Variants in PREX1 observed in about 807,000 individuals in gnomAD.
PREX1 encodes phosphatidylinositol-3,4,5-trisphosphate dependent Rac exchange factor 1.
Under a neutral mutation model 198.3 loss-of-function variants are expected in PREX1, and 41 were observed. That is an observed-to-expected ratio of 0.21 (90% CI 0.16 to 0.27). The LOEUF is 0.27. PREX1 is among the 10% of genes least tolerant of loss of function. The pLI is 1.00. For synonymous variants in PREX1, 843 were observed against 887.2 expected (o/e 0.95, Z 0.89); for missense variants, 1,620 against 2,200.7 (o/e 0.74, Z 5.28).
rs2089258829 is a variant in PREX1, at chr20:48,624,948, G to A, written c.*937C>T. ...CCAACCGCTGGAGAATGGAGGGTGG[G>A]GGAAGGAATCACAGTCGATACCTCA... On this transcript the variant is annotated 3_prime_UTR_variant, in exon 40 of 40. Transcript: ENST00000371941. The A allele has an allele frequency of 6.6e-6, 1 of 152,412 alleles. No homozygotes were observed. 9.4% of individuals were successfully genotyped at this position (152,412 alleles called of 1,614,324 possible). A position where few individuals can be genotyped will look rare whatever the true frequency, so the allele number is the denominator to read the frequency against.
At chr20:48,632,778 C>T in intron 33 of PREX1, 139 bp from the exon 34 acceptor site, 1 of 892,408 alleles carries the variant, frequency 1.1e-6, no homozygotes. Flanking sequence ...GTTCTCCCGA[C>T]TCTACAGGGG....
intron 1 of PREX1, among the ~76,000 whole-genome samples, chr20:48,807,389 C>T (rs904304798): frequency 5.9e-5 from 9 of 152,122 alleles, no homozygotes; most frequent in African/African-American, 2.2e-4. Flanking sequence ...GCACATACAG[C>T]CCCTCATGTC....
At chr20:48,884,301 T>C in the PREX1 span, among the ~76,000 whole-genome samples, 7 of 152,252 alleles carry the variant, frequency 4.6e-5, no homozygotes, top group East Asian at 1.3e-3. Context: ...AAGGTCACAA[T>C]AATCAAGACA....
chr20:48,692,540 C>T, intron 8 of PREX1, 132 bp downstream of exon 8: 1 of 694,946 alleles, frequency 1.4e-6, no homozygotes, highest in South Asian at 1.9e-5. Flanking sequence ...TGCATCTATG[C>T]TCTGGGCACT....
the PREX1 span, among the ~76,000 whole-genome samples, chr20:48,868,088 A>G: frequency 6.6e-6 from 1 of 152,304 alleles, no homozygotes; most frequent in East Asian, 1.9e-4. Context: ...CTTTTGACAG[A>G]CATGAATATA....
At chr20:48,735,157 C>T (rs939376677) in intron 3 of PREX1, among the ~76,000 whole-genome samples, 7 of 152,276 alleles carry the variant, frequency 4.6e-5, no homozygotes, top group Middle Eastern at 3.4e-3. Flanking sequence ...CAGGGTTTCC[C>T]GTACTGGAAG....
chr20:48,636,664 G>T lies in PREX1; in HGVS notation c.3966C>A (p.Arg1322=). 1 of 1,607,550 alleles carries T rather than the reference G, an allele frequency of 6.2e-7. No individual in the cohort carries two copies. Among genetic ancestry groups the T allele is most frequent in the Non-Finnish European group, 8.5e-7 (1 of 1,177,466 alleles). Residue 1322 remains arginine, a synonymous_variant, in exon 32 of 40, where the codon CGC becomes CGA. Coordinates refer to ENST00000371941, the MANE Select transcript of PREX1 (RefSeq NM_020820.4). ...LKCTDTELQL[R]RDAIFCQALV... is the part of the protein sequence containing the mutation. Reference sequence around the variant, plus strand: ...GGGCCTGGCAGAAGATCGCGTCTCTGCGCAGCTGCAGCTCCGTGTCTGGGG... The same window carrying T: ...GGGCCTGGCAGAAGATCGCGTCTCTTCGCAGCTGCAGCTCCGTGTCTGGGG...
At chr20:48,810,947 AC>A (rs1317126682) in intron 1 of PREX1, among the ~76,000 whole-genome samples, 1 of 152,148 alleles carries the variant, frequency 6.6e-6, no homozygotes, top group African/African-American at 2.4e-5. Flanking sequence ...ATAAATGGCA[AC>A]CAATGTTTGG....
chr20:48,671,614 C>A (rs73144093), intron 14 of PREX1, among the ~76,000 whole-genome samples: 4 of 152,092 alleles, frequency 2.6e-5, no homozygotes, highest in African/African-American at 4.8e-5. Flanking sequence ...AATACCCTCC[C>A]GCCCTACACA....
chr20:48,679,235 G>A lies in PREX1; in HGVS notation c.1589+125C>T, dbSNP rs74608975. 3,339 of 783,608 alleles carry A rather than the reference G, an allele frequency of 4.3e-3. 74 individuals are homozygous for A. The East Asian group carries it at 0.057, about 13-fold the overall frequency. 48.5% of individuals were successfully genotyped at this position (783,608 alleles called of 1,614,324 possible). On this transcript the variant is annotated intron_variant, in intron 13 of 39. Coordinates refer to ENST00000371941, the MANE Select transcript of PREX1 (RefSeq NM_020820.4). ...TCCTAATGACAAATCTAAAGGATAG[G>A]TGCCACTGCAAGCCCCATTTAATGG...
At chr20:48,679,618 T>G (rs1351674276) in intron 12 of PREX1, 33 bp downstream of exon 12, 1 of 1,557,348 alleles carries the variant, frequency 6.4e-7, no homozygotes, top group Admixed American at 1.7e-5. Flanking sequence ...CGAGGCCAGC[T>G]GAGTCAGAGT....
intron 2 of PREX1, among the ~76,000 whole-genome samples, chr20:48,746,768 G>A (rs1021577050): frequency 6.6e-6 from 1 of 151,768 alleles, no homozygotes; most frequent in Non-Finnish European, 1.5e-5. Context: ...AAAAAAAAAG[G>A]TAATTTTTTA....
intron 5 of PREX1, among the ~76,000 whole-genome samples, chr20:48,724,174 T>C (rs1320110355): frequency 6.6e-6 from 1 of 152,132 alleles, no homozygotes; most frequent in Non-Finnish European, 1.5e-5. Flanking sequence ...TTAGGGGTGG[T>C]CCTCTGGAAT....
chr20:48,797,352 C>T (rs1162805617), intron 1 of PREX1, among the ~76,000 whole-genome samples: 1 of 151,192 alleles, frequency 6.6e-6, no homozygotes, highest in East Asian at 1.9e-4. Context: ...CAGACCCCCC[C>T]CAGGACACTG....
chr20:48,629,225 C>T lies in PREX1; in HGVS notation c.4766+224G>A, dbSNP rs146728135. The stretch of plus-strand genomic sequence containing the variant: ...CAGCTCTCACACACACTCACTACGG[C>T]GTTAGAGAAGCAGGTGGCTCCACAG... On this transcript the variant is annotated intron_variant, in intron 37 of 39. Coordinates refer to ENST00000371941, the MANE Select transcript of PREX1 (RefSeq NM_020820.4). Among the ~76,000 whole-genome samples the T allele has an allele frequency of 2.3e-3, 349 of 152,298 alleles. 3 individuals carry two copies. The highest frequency in any genetic ancestry group is 8.1e-3 in the African/African-American group (337 of 41,562).
At chr20:48,856,506 G>A in the PREX1 span, among the ~76,000 whole-genome samples, 8 of 152,170 alleles carry the variant, frequency 5.3e-5, no homozygotes, top group Admixed American at 2.0e-4. Context: ...GAGAAGGCAG[G>A]AGAACCATCC....
chr20:48,807,345 T>C (rs1291496000), intron 1 of PREX1, among the ~76,000 whole-genome samples: 2 of 152,114 alleles, frequency 1.3e-5, no homozygotes, highest in Admixed American at 6.5e-5. Flanking sequence ...TGCTCTACAT[T>C]TCACTCAGCA....
chr20:48,858,394 G>T, the PREX1 span, among the ~76,000 whole-genome samples: 2 of 152,210 alleles, frequency 1.3e-5, no homozygotes, highest in Non-Finnish European at 2.9e-5. Flanking sequence ...GCTTCTGCAG[G>T]TCACACTCTC....
At chr20:48,871,877 C>T in the PREX1 span, among the ~76,000 whole-genome samples, 3 of 151,466 alleles carry the variant, frequency 2.0e-5, no homozygotes, top group Non-Finnish European at 2.9e-5. Context: ...CAGGGCACCT[C>T]GGCCGGGCGT....
Sources: allele counts gnomAD v4.1 joint callset (sites outside exome capture counted in the v4.1 genomes callset), GRCh38; gene constraint gnomAD v4.1.1; transcripts MANE v1.5; gene names NCBI Gene and HGNC (gene_info 2026-07-23, HGNC 2026-07-21).